The following ZNF700 variants were observed in gnomAD, a reference collection of about 807,000 sequenced individuals.
The protein encoded by ZNF700 is zinc finger protein 700.
A neutral mutation model predicts 65.3 loss-of-function variants in ZNF700; 38 were observed. The observed-to-expected ratio is 0.58, with a 90% CI of 0.45 to 0.76. The LOEUF (loss-of-function observed/expected upper bound fraction) is 0.76, where lower values mean the gene tolerates loss of function less well. ZNF700 is among the 30% of genes least tolerant of loss of function. The probability of loss-of-function intolerance (pLI) is 0.00; values close to 1 mark genes in which losing one functional copy is unlikely to be tolerated. For synonymous variants in ZNF700, 285 were observed against 290.4 expected, an observed-to-expected ratio of 0.98 and a Z score of 0.19; for missense variants, 857 against 888.4, an observed-to-expected ratio of 0.96 and a Z score of 0.45.
At chr19:11,927,939 A>G (rs867027100) in intron 1 of ZNF700, among the ~76,000 whole-genome samples, 6 of 152,160 alleles carry the variant, frequency 3.9e-5, no homozygotes, top group South Asian at 2.1e-4. Flanking sequence ...TGTATAGGCA[A>G]AAGGCAAATA....
chr19:11,950,018 T>G lies in ZNF700; in HGVS notation c.1994T>G (p.Ile665Arg). Residue 665 changes from isoleucine to arginine, a missense_variant, in exon 4 of 4, where the codon ATA (isoleucine) becomes AGA (arginine). Physicochemically the swap from Ile to Arg is moderately conservative, Grantham distance 97 (BLOSUM62 -3). Transcript: ENST00000254321. ...KAFCKFSSFQIHERKHRGEKP... is the reference protein window; with the variant it reads ...KAFCKFSSFQRHERKHRGEKP... ...TTCTGTAAATTCTCTTCTTTTCAAA[T>G]ACATGAAAGGAAGCACAGAGGAGAG... The G allele has an allele frequency of 6.2e-7, 1 of 1,613,916 alleles. No individual in the cohort carries two copies. Among genetic ancestry groups the G allele is most frequent in the South Asian group, 1.1e-5 (1 of 91,080 alleles).
chr19:11,937,133 G>T (rs1199916052), intron 1 of ZNF700, among the ~76,000 whole-genome samples: 2 of 152,132 alleles, frequency 1.3e-5, no homozygotes, highest in Non-Finnish European at 2.9e-5. Context: ...TTTTTGTGTT[G>T]TGTGTGAAAC....
rs964755495 is a variant in ZNF700, at chr19:11,932,123, C to CA, written c.63+6863dup. 8.7e-3 allele frequency among the ~76,000 whole-genome samples: 1,100 copies of CA among 126,260 alleles called. 129 individuals carry two copies. The highest frequency in any genetic ancestry group is 0.031 in the African/African-American group (958 of 30,864). 82.8% of individuals were successfully genotyped at this position (126,260 alleles called of 152,430 possible). A position where few individuals can be genotyped will look rare whatever the true frequency, so the allele number is the denominator to read the frequency against. The stretch of plus-strand genomic sequence containing the variant: ...AGGCAGCAAGAGTGAAACTTTGTCT[C>CA]AAAAAAAAAAAAAGAAAGAAAATAA... On this transcript the variant is annotated intron_variant, in intron 1 of 3. Coordinates refer to ENST00000254321, the MANE Select transcript of ZNF700 (RefSeq NM_144566.3).
intron 1 of ZNF700, 136 bp downstream of exon 1, chr19:11,925,409 C>T: frequency 7.3e-7 from 1 of 1,378,784 alleles, no homozygotes; most frequent in South Asian, 1.3e-5. Flanking sequence ...AGCAGTTCGG[C>T]CCTCGGTCCC....
In ZNF700 at chr19:11,929,487, T is replaced by C. The variant is rs951971288; in HGVS notation, c.63+4214T>C. 9.4e-5 allele frequency among the ~76,000 whole-genome samples: 14 copies of C among 148,426 alleles called. 3 individuals are homozygous for C. The highest frequency in any genetic ancestry group is 3.7e-4 in the African/African-American group (14 of 38,056). ...CTGACTCATTTGTTCAAACAGCCTA[T>C]GTAGGTAGAAAATTTCTAGGTATGT... On this transcript the variant is annotated intron_variant, in intron 1 of 3. Coordinates refer to ENST00000254321, the MANE Select transcript of ZNF700 (RefSeq NM_144566.3).
chr19:11,935,372 G>C (rs986030222), intron 1 of ZNF700, among the ~76,000 whole-genome samples: 1 of 151,312 alleles, frequency 6.6e-6, no homozygotes, highest in Non-Finnish European at 1.5e-5. Flanking sequence ...GAGTAGGTGG[G>C]ATTATAGGCT....
intron 1 of ZNF700, among the ~76,000 whole-genome samples, chr19:11,933,233 C>T (rs1972740958): frequency 7.0e-6 from 1 of 141,960 alleles, no homozygotes. Context: ...GCCTAGGCAA[C>T]ATAGCAAGGC....
At chr19:11,940,225 C>T (rs759873028) in intron 1 of ZNF700, among the ~76,000 whole-genome samples, 32 of 152,138 alleles carry the variant, frequency 2.1e-4, no homozygotes, top group African/African-American at 4.3e-4. Flanking sequence ...CCACAGTGCC[C>T]GGCCAAGATG....
In ZNF700 at chr19:11,936,899, T is replaced by C. The variant is rs182480799; in HGVS notation, c.64-10282T>C. On this transcript the variant is annotated intron_variant, in intron 1 of 3. Transcript: ENST00000254321. ...AGGAAGGGATCCAGTTTCAGCTTTC[T>C]ACATATGGCTAGCCAGTTCTCCCAG... 1.7e-3 allele frequency among the ~76,000 whole-genome samples: 257 copies of C among 152,354 alleles called. 4 individuals carry two copies. The highest frequency in any genetic ancestry group is 5.8e-3 in the African/African-American group (242 of 41,578).
Position 11,949,516 on chromosome 19 carries a change from C to A in ZNF700, c.1492C>A (p.His498Asn). The change falls in exon 4 of 4, where the codon CAC becomes AAC. Residue 498 changes from histidine to asparagine, a missense_variant. Around this residue, in one of 3 missense-constraint regions of ZNF700, gnomAD observed 603 missense variants for 619.9 expected, o/e 0.97. Coordinates refer to ENST00000254321, the MANE Select transcript of ZNF700 (RefSeq NM_144566.3). ...TCAAATTCATGAAAGGACAGAAAAA[C>A]ACATAAGAATGCCCTCTGGAGAAAG... ...HLQIHERTEK[H>N]IRMPSGERPY... 2 of 1,610,630 alleles carry A rather than the reference C, an allele frequency of 1.2e-6. No homozygotes were observed. Among genetic ancestry groups the A allele is most frequent in the Non-Finnish European group, 1.7e-6 (2 of 1,179,360 alleles).
intron 1 of ZNF700, among the ~76,000 whole-genome samples, chr19:11,929,757 A>G (rs2145273522): frequency 6.8e-6 from 1 of 147,710 alleles, no homozygotes; most frequent in East Asian, 1.9e-4. Context: ...CCACCCTCAT[A>G]CCACAGCCTA....
At chr19:11,933,525 C>T (rs905752979) in intron 1 of ZNF700, among the ~76,000 whole-genome samples, 2 of 147,596 alleles carry the variant, frequency 1.4e-5, no homozygotes, top group Non-Finnish European at 2.9e-5. Flanking sequence ...CATAGCTCTC[C>T]CCTCCCTCTT....
chr19:11,945,472 G>A (rs1245121610), intron 1 of ZNF700, among the ~76,000 whole-genome samples: 1 of 152,166 alleles, frequency 6.6e-6, no homozygotes, highest in Non-Finnish European at 1.5e-5. Context: ...ACTGGCAAAG[G>A]ACTATAATTC....
chr19:11,939,992 C>T (rs1599287393), intron 1 of ZNF700: 1 of 150,196 alleles, frequency 6.7e-6, no homozygotes, highest in East Asian at 2.0e-4. Flanking sequence ...AGTTCAGTGG[C>T]ACAACCTCGG....
At chr19:11,937,743 C>T (rs1227135686) in intron 1 of ZNF700, among the ~76,000 whole-genome samples, 1 of 152,046 alleles carries the variant, frequency 6.6e-6, no homozygotes, top group Non-Finnish European at 1.5e-5. Flanking sequence ...CTGCCTCAGC[C>T]TCCCAAGGTG....
At position 11,941,644 on chromosome 19, in the gene ZNF700, C is replaced by T. The variant is rs544100663; in HGVS notation, c.64-5537C>T. ...AGAACTCCAGCTGGCCCGCAAGCGC[C>T]GCGCGCAGCCCCAGTTCCCGCTCGC... On this transcript the variant is annotated intron_variant, in intron 1 of 3. Transcript: ENST00000254321. Among the ~76,000 whole-genome samples the T allele has an allele frequency of 2.1e-3, 320 of 152,290 alleles. 2 individuals are homozygous for T. Among genetic ancestry groups the T allele is most frequent in the African/African-American group, 7.1e-3 (294 of 41,576 alleles).
At chr19:11,937,365 A>T (rs548782391) in intron 1 of ZNF700, among the ~76,000 whole-genome samples, 3 of 152,178 alleles carry the variant, frequency 2.0e-5, no homozygotes, top group African/African-American at 7.2e-5. Context: ...TATTACAGAG[A>T]CGGGGTCTCC....
chr19:11,943,454 A>G (rs1204807307), intron 1 of ZNF700, among the ~76,000 whole-genome samples: 1 of 152,170 alleles, frequency 6.6e-6, no homozygotes, highest in Non-Finnish European at 1.5e-5. Context: ...GCTTGTAACC[A>G]TATGATCCGG....
At position 11,930,380 on chromosome 19, in the gene ZNF700, G is replaced by A. The variant is rs1242132317; in HGVS notation, c.63+5107G>A. Among the ~76,000 whole-genome samples the A allele has an allele frequency of 2.0e-5, 3 of 148,478 alleles. 1 individual carries two copies. The highest frequency in any genetic ancestry group is 6.6e-5 in the Admixed American group (1 of 15,110). On this transcript the variant is annotated intron_variant, in intron 1 of 3. Transcript: ENST00000254321. ...GGGAGGTGGTCACCAGAATGCAGTT[G>A]TGGAACAAATATATGTGAGTTGACC...
Sources: allele counts gnomAD v4.1 joint callset (sites outside exome capture counted in the v4.1 genomes callset), GRCh38; gene constraint gnomAD v4.1.1; regional missense constraint gnomAD v4.1.1; transcripts MANE v1.5; gene names NCBI Gene and HGNC (gene_info 2026-07-23, HGNC 2026-07-21).